Variants in SCUBE1 observed in about 807,000 individuals in gnomAD.
The protein encoded by SCUBE1 is signal peptide, CUB domain and EGF like domain containing 1.
SCUBE1 carries 59 observed loss-of-function variants against 124.4 expected under a neutral mutation model. The ratio of observed to expected loss-of-function variants is 0.47; its 90% CI spans 0.38 to 0.59. The LOEUF is 0.59. SCUBE1 is among the 20% of genes least tolerant of loss of function. The pLI is 0.00. For missense variants in SCUBE1, 1,150 were observed against 1,371.2 expected, an observed-to-expected ratio of 0.84 and a Z score of 2.55; for synonymous variants, 545 against 550.9, an observed-to-expected ratio of 0.99 and a Z score of 0.15.
At chr22:43,218,862 C>T (rs1341463364) in intron 14 of SCUBE1, among the ~76,000 whole-genome samples, 1 of 152,250 alleles carries the variant, frequency 6.6e-6, no homozygotes, top group Non-Finnish European at 1.5e-5. Flanking sequence ...GCCTTGCCAG[C>T]CTCATCCCCT....
chr22:43,305,975 T>G lies in SCUBE1; in HGVS notation c.349+13962A>C, dbSNP rs893068073. On this transcript the variant is annotated intron_variant, in intron 3 of 21. Transcript: ENST00000360835. ...GGATGAGGTGGGTGACAGGGAGGGGTGCCAGGGCAGCCTGATGCACAGGCC... is the reference window on the plus strand; with the variant it reads ...GGATGAGGTGGGTGACAGGGAGGGGGGCCAGGGCAGCCTGATGCACAGGCC... Among the ~76,000 whole-genome samples, 7 of 152,106 alleles carry G rather than the reference T, an allele frequency of 4.6e-5. No individual in the cohort carries two copies. In the East Asian group the frequency reaches 1.4e-3, roughly 29 times the overall value.
chr22:43,292,318 C>G (rs1459917571), intron 3 of SCUBE1, among the ~76,000 whole-genome samples: 1 of 152,164 alleles, frequency 6.6e-6, no homozygotes, highest in Non-Finnish European at 1.5e-5. Context: ...TGACCAGAGG[C>G]CGCTGGCACA....
At chr22:43,229,953 T>C (rs913061843) in intron 8 of SCUBE1, among the ~76,000 whole-genome samples, 2 of 152,238 alleles carry the variant, frequency 1.3e-5, no homozygotes, top group Admixed American at 6.5e-5. Context: ...TCCTTGGGCA[T>C]AGCAGTTAAG....
Position 43,255,671 on chromosome 22 carries a change from G to A in SCUBE1, c.727+2548C>T, listed in dbSNP as rs2146703879. Reference sequence around the variant, plus strand: ...CAGTCAGCCTCTCGGCGTGGCGCACGCAAAGCCAACACAACACGCCGGCCA... The same window carrying A: ...CAGTCAGCCTCTCGGCGTGGCGCACACAAAGCCAACACAACACGCCGGCCA... On this transcript the variant is annotated intron_variant, in intron 6 of 21. Transcript: ENST00000360835. The surrounding 1 kb of genome is among the most constrained non-coding windows in gnomAD (Gnocchi z 4.7). The A allele has an allele frequency of 1.1e-5, 12 of 1,106,234 alleles. No homozygotes were observed. Among genetic ancestry groups the A allele is most frequent in the Non-Finnish European group, 1.5e-5 (11 of 750,358 alleles). The allele number at this position is 1,106,234 out of a possible 1,614,324, so 68.5% of individuals were successfully genotyped here.
Position 43,207,596 on chromosome 22 carries a change from T to C in SCUBE1, c.2752A>G (p.Ile918Val). The C allele has an allele frequency of 6.2e-7, 1 of 1,613,416 alleles. No individual in the cohort carries two copies. The highest frequency in any genetic ancestry group is 8.5e-7 in the Non-Finnish European group (1 of 1,179,408). The part of the protein sequence containing the change: ...VTYDEDYQQL[I>V]EDIVRDGRLY... ...CGCCCATCGCGCACGATGTCCTCTA[T>C]GAGTTGCTGGTAGTCCTCTGGGCAG... is the stretch of plus-strand genomic sequence containing the variant. The change falls in exon 21 of 22, where the codon ATA (isoleucine) becomes GTA (valine). Residue 918 changes from isoleucine to valine, a missense_variant. Physicochemically the swap from Ile to Val is conservative, Grantham distance 29. Coordinates refer to ENST00000360835, the MANE Select transcript of SCUBE1 (RefSeq NM_173050.5).
chr22:43,238,394 G>A, intron 7 of SCUBE1: 1 of 371,718 alleles, frequency 2.7e-6, no homozygotes, highest in African/African-American at 2.1e-5. Flanking sequence ...GTCCCAGATG[G>A]CCCAACACCA....
In SCUBE1 at chr22:43,255,683, C is replaced by T. The variant is rs55657687; in HGVS notation, c.727+2536G>A. The T allele has an allele frequency of 2.6e-3, 2,553 of 969,938 alleles. 42 individuals are homozygous for T. The African/African-American group carries it at 0.035, about 13-fold the overall frequency. 60.1% of individuals were successfully genotyped at this position (969,938 alleles called of 1,614,324 possible). A position where few individuals can be genotyped will look rare whatever the true frequency, so the allele number is the denominator to read the frequency against. ...CGGCGTGGCGCACGCAAAGCCAACA[C>T]AACACGCCGGCCAGCTCGGCATCCT... On this transcript the variant is annotated intron_variant, in intron 6 of 21. Transcript: ENST00000360835. This position sits in a 1 kb window ranked among gnomAD's most constrained non-coding sequence, Gnocchi z 4.7.
chr22:43,295,341 C>T (rs1925517238), intron 3 of SCUBE1, among the ~76,000 whole-genome samples: 2 of 152,252 alleles, frequency 1.3e-5, no homozygotes, highest in African/African-American at 4.8e-5. Flanking sequence ...AGAGGGCTTG[C>T]CTATCCTGTC....
intron 4 of SCUBE1, among the ~76,000 whole-genome samples, chr22:43,273,092 G>T (rs1924354507): frequency 6.6e-6 from 1 of 152,220 alleles, no homozygotes; most frequent in Non-Finnish European, 1.5e-5. Flanking sequence ...CCAGCTGTGT[G>T]CAGGCCCTGG....
chr22:43,339,321 C>T, intron 1 of SCUBE1, 86 bp from the exon 2 acceptor site: 1 of 1,371,468 alleles, frequency 7.3e-7, no homozygotes, highest in Non-Finnish European at 1.0e-6. Flanking sequence ...GGAGCTCTTG[C>T]CTTTGCCCGT....
chr22:43,325,001 G>A (rs1926674475), intron 2 of SCUBE1, among the ~76,000 whole-genome samples: 1 of 149,836 alleles, frequency 6.7e-6, no homozygotes, highest in African/African-American at 2.5e-5. Context: ...CTAAGAAGAG[G>A]GAAATTGGAC....
At chr22:43,242,688 T>C (rs1187095817) in intron 6 of SCUBE1, among the ~76,000 whole-genome samples, 1 of 152,206 alleles carries the variant, frequency 6.6e-6, no homozygotes, top group Non-Finnish European at 1.5e-5. Context: ...AGGAGCTTTG[T>C]CCCGGGGAGC....
chr22:43,240,790 C>G (rs191286477), intron 6 of SCUBE1, among the ~76,000 whole-genome samples: 104 of 152,338 alleles, frequency 6.8e-4, no homozygotes, highest in Admixed American at 1.3e-3. Context: ...GGCTCCCCTC[C>G]TGCCTCCCAC....
chr22:43,263,041 G>A (rs1923931470), intron 4 of SCUBE1, among the ~76,000 whole-genome samples, 196 bp from the exon 5 acceptor site: 1 of 152,222 alleles, frequency 6.6e-6, no homozygotes, highest in African/African-American at 2.4e-5. Context: ...TATCCCTTAG[G>A]GAGAAAGCAA....
At chr22:43,223,033 G>A in intron 11 of SCUBE1, 64 bp downstream of exon 11, 1 of 1,492,886 alleles carries the variant, frequency 6.7e-7, no homozygotes, top group Non-Finnish European at 8.9e-7. Flanking sequence ...GGGAGCAATG[G>A]TGGGACCCCA....
At chr22:43,219,530 G>A (rs751215697) in intron 14 of SCUBE1, among the ~76,000 whole-genome samples, 1 of 150,510 alleles carries the variant, frequency 6.6e-6, no homozygotes, top group African/African-American at 2.5e-5. Flanking sequence ...CTGGAGCACA[G>A]TGGCGCGATC....
intron 3 of SCUBE1, among the ~76,000 whole-genome samples, chr22:43,314,430 G>T (rs148389985): frequency 6.0e-4 from 92 of 152,168 alleles, no homozygotes; most frequent in African/African-American, 2.2e-3. Context: ...GTTGCCCTGG[G>T]CCCCCACACT....
Position 43,220,601 on chromosome 22 carries a change from G to C in SCUBE1, c.1550-14C>G. The stretch of plus-strand genomic sequence containing the variant: ...CATGGCAGTGGTCTGGACGAGGAAA[G>C]GACCACTGTGGCAAAGGCGGCATGG... On this transcript the variant is annotated splice_polypyrimidine_tract_variant and intron_variant, in intron 13 of 21. Coordinates refer to ENST00000360835, the MANE Select transcript of SCUBE1 (RefSeq NM_173050.5). 1 of 1,611,372 alleles carries C rather than the reference G, an allele frequency of 6.2e-7. No homozygotes were observed. The highest frequency in any genetic ancestry group is 8.5e-7 in the Non-Finnish European group (1 of 1,178,368).
rs139305630 is a variant in SCUBE1, at chr22:43,207,558, C to T, written c.2790G>A (p.Ser930=). 6.8e-6 allele frequency: 11 copies of T among 1,614,000 alleles called. No homozygotes were observed. Among genetic ancestry groups the T allele is most frequent in the African/African-American group, 2.7e-5 (2 of 75,046 alleles). The change falls in exon 21 of 22, where the codon TCG becomes TCA. Residue 930 remains serine (S), a synonymous_variant. Coordinates refer to ENST00000360835, the MANE Select transcript of SCUBE1 (RefSeq NM_173050.5). The part of the protein sequence containing the change: ...DIVRDGRLYA[S]ENHQEILKDK... ...CTTTCAAAATTTCCTGGTGGTTCTC[C>T]GAGGCGTACAGGCGCCCATCGCGCA...
Sources: allele counts gnomAD v4.1 joint callset (sites outside exome capture counted in the v4.1 genomes callset), GRCh38; gene constraint gnomAD v4.1.1; non-coding constraint Gnocchi (gnomAD v3.1); transcripts MANE v1.5; gene names NCBI Gene and HGNC (gene_info 2026-07-23, HGNC 2026-07-21).